The following EPN2 variants were observed in gnomAD, a reference collection of about 807,000 sequenced individuals.
EPN2 encodes epsin-2.
EPN2 carries 34 observed loss-of-function variants against 61.7 expected under a neutral mutation model. The observed-to-expected ratio is 0.55, with a 90% CI of 0.42 to 0.73. The LOEUF (loss-of-function observed/expected upper bound fraction) is 0.73. Ranked by LOEUF, EPN2 falls within the 30% of genes least tolerant of loss-of-function variation. The pLI is 0.00. For synonymous variants in EPN2, 349 were observed against 353.6 expected, an observed-to-expected ratio of 0.99 and a Z score of 0.15; for missense variants, 714 against 839.2, an observed-to-expected ratio of 0.85 and a Z score of 1.84.
chr17:19,291,289 C>T (rs2045461966), intron 4 of EPN2, among the ~76,000 whole-genome samples: 1 of 152,226 alleles, frequency 6.6e-6, no homozygotes, highest in Non-Finnish European at 1.5e-5. Context: ...CCTGCGGCAT[C>T]ACCCCAACAG....
chr17:19,304,369 G>C (rs770203772), intron 4 of EPN2, among the ~76,000 whole-genome samples: 2 of 152,200 alleles, frequency 1.3e-5, no homozygotes, highest in African/African-American at 2.4e-5. Flanking sequence ...AAGGAACTTA[G>C]CTGAACTAGA....
chr17:19,266,418 T>G (rs1398222401), intron 1 of EPN2, among the ~76,000 whole-genome samples: 1 of 151,778 alleles, frequency 6.6e-6, no homozygotes, highest in African/African-American at 2.4e-5. Flanking sequence ...TTTTTTTTTT[T>G]TTGAGACGGA....
At chr17:19,242,991 G>A (rs988094337) in intron 1 of EPN2, among the ~76,000 whole-genome samples, 2 of 152,208 alleles carry the variant, frequency 1.3e-5, no homozygotes, top group Non-Finnish European at 2.9e-5. Context: ...TTTGGAATGA[G>A]GTGTGGGTAC....
intron 1 of EPN2, among the ~76,000 whole-genome samples, chr17:19,247,068 C>T (rs1237590855): frequency 1.3e-5 from 2 of 152,190 alleles, no homozygotes; most frequent in African/African-American, 4.8e-5. Context: ...CTGCGCCCAG[C>T]CCCCTGTGTG....
intron 4 of EPN2, among the ~76,000 whole-genome samples, chr17:19,291,130 A>G (rs948997574): frequency 6.6e-6 from 1 of 152,238 alleles, no homozygotes; most frequent in Non-Finnish European, 1.5e-5. Context: ...AATTGGGGCA[A>G]AAGGAAAACA....
At chr17:19,243,638 C>G (rs2044911805) in intron 1 of EPN2, among the ~76,000 whole-genome samples, 1 of 152,038 alleles carries the variant, frequency 6.6e-6, no homozygotes, top group Admixed American at 6.5e-5. Flanking sequence ...TGTGATCCGC[C>G]TGCCTCGGCC....
chr17:19,314,191 G>T (rs1343203126), intron 7 of EPN2, among the ~76,000 whole-genome samples: 1 of 152,180 alleles, frequency 6.6e-6, no homozygotes, highest in Non-Finnish European at 1.5e-5. Flanking sequence ...GTTGTCTGTT[G>T]TCAAGGCCCT....
chr17:19,317,286 G>A (rs1906427486), intron 7 of EPN2, among the ~76,000 whole-genome samples: 2 of 152,208 alleles, frequency 1.3e-5, no homozygotes, highest in Non-Finnish European at 2.9e-5. Context: ...AGGTCAGTGG[G>A]GCGCTTCCTC....
intron 1 of EPN2, among the ~76,000 whole-genome samples, chr17:19,238,033 C>A (rs759195907): frequency 7.5e-5 from 11 of 146,722 alleles, no homozygotes; most frequent in Non-Finnish European, 1.6e-4. Context: ...GGGTCCTTAT[C>A]TCTGTCCGGG....
At position 19,254,401 on chromosome 17, in the gene EPN2, C is replaced by T. The variant is rs145155045; in HGVS notation, c.-294+16870C>T. On this transcript the variant is annotated intron_variant, in intron 1 of 10. Transcript: ENST00000314728. ...ACTAAAAATACAAAAATTAGCCAGG[C>T]GTGGTGATGCATGCTTGTAATCTCA... Among the ~76,000 whole-genome samples, 994 of 150,330 alleles carry T rather than the reference C, an allele frequency of 6.6e-3. 54 individuals are homozygous for T. In the East Asian group the frequency reaches 0.12, roughly 18 times the overall value.
chr17:19,320,305 G>A (rs1310648009), intron 7 of EPN2, among the ~76,000 whole-genome samples: 1 of 152,186 alleles, frequency 6.6e-6, no homozygotes, highest in Admixed American at 6.5e-5. Flanking sequence ...AGAGGGAGGG[G>A]CCATCCTGGG....
chr17:19,249,084 A>C (rs541794555), intron 1 of EPN2, among the ~76,000 whole-genome samples: 1 of 152,148 alleles, frequency 6.6e-6, no homozygotes, highest in Non-Finnish European at 1.5e-5. Context: ...AGGACAGGCG[A>C]GCTTGGTGAG....
At chr17:19,328,977 T>TGTGTCCACCAAAGACGTGACACAG in intron 8 of EPN2, 90 bp downstream of exon 8, 1 of 1,233,244 alleles carries the variant, frequency 8.1e-7, no homozygotes, top group Non-Finnish European at 1.1e-6. Flanking sequence ...TCAGCCCTGT[T>TGTGTCCACCAAAGACGTGACACAG]GCTTTGCTTG....
chr17:19,297,568 AC>A (rs1453762156), intron 4 of EPN2, among the ~76,000 whole-genome samples: 1 of 152,200 alleles, frequency 6.6e-6, no homozygotes, highest in Non-Finnish European at 1.5e-5. Context: ...AGGCAGACAT[AC>A]CGACACCGTG....
rs2045192794 is a variant in EPN2 at position 19,265,932 on chromosome 17, C to G, written c.-293-16023C>G. 2.0e-5 allele frequency among the ~76,000 whole-genome samples: 3 copies of G among 152,182 alleles called. No individual in the cohort carries two copies. The South Asian group carries it at 6.2e-4, about 32-fold the overall frequency. On this transcript the variant is annotated intron_variant, in intron 1 of 10. Coordinates refer to ENST00000314728, the MANE Select transcript of EPN2 (RefSeq NM_014964.5). The stretch of plus-strand genomic sequence containing the variant: ...CCCACCCACACTGACATTTGGTCAT[C>G]AGGGTTCATGTTTCCACTCTGTTTA...
In EPN2 at chr17:19,328,615, G is replaced by A. The variant is rs1907008277; in HGVS notation, c.1148-96G>A. ...GCTGTCTCACCTGGCACAGGGCATA[G>A]ACCCTGGTGTGGCTGGCAGTATCCT... is the stretch of plus-strand genomic sequence containing the variant. On this transcript the variant is annotated intron_variant, in intron 7 of 10. Transcript: ENST00000314728. 9 of 1,190,448 alleles carry A rather than the reference G, an allele frequency of 7.6e-6. No homozygotes were observed. In the Admixed American group the frequency reaches 1.2e-4, roughly 16 times the overall value. 73.7% of individuals were successfully genotyped at this position (1,190,448 alleles called of 1,614,324 possible).
intron 7 of EPN2, among the ~76,000 whole-genome samples, chr17:19,320,474 G>C (rs1450974686): frequency 6.6e-6 from 1 of 152,170 alleles, no homozygotes; most frequent in Non-Finnish European, 1.5e-5. Flanking sequence ...TTGGTGAGAG[G>C]TCTGGGTGCA....
chr17:19,332,823 C>G lies in EPN2; in HGVS notation c.1627+755C>G, dbSNP rs1037114693. On this transcript the variant is annotated intron_variant, in intron 10 of 10. Transcript: ENST00000314728. ...CTAGGAAGTCCACCCAGCCCCCTTC[C>G]TCACGGGGTTTCCCCAAAGCCTTGG... Among the ~76,000 whole-genome samples, 12 of 152,258 alleles carry G rather than the reference C, an allele frequency of 7.9e-5. No homozygotes were observed. The South Asian group carries it at 2.5e-3, about 31-fold the overall frequency.
intron 4 of EPN2, among the ~76,000 whole-genome samples, chr17:19,298,518 T>A (rs879539511): frequency 6.6e-6 from 1 of 152,224 alleles, no homozygotes; most frequent in Non-Finnish European, 1.5e-5. Flanking sequence ...ATGTTTTTTT[T>A]AGAGCTGGGG....
Sources: allele counts gnomAD v4.1 joint callset (sites outside exome capture counted in the v4.1 genomes callset), GRCh38; gene constraint gnomAD v4.1.1; transcripts MANE v1.5; gene names NCBI Gene and HGNC (gene_info 2026-07-23, HGNC 2026-07-21).